DNAI4: variants seen among roughly 807,000 people sequenced by gnomAD.
The protein encoded by DNAI4 is WD repeat domain 78.
In DNAI4, 85 loss-of-function variants were observed where a neutral mutation model predicts 105.8. The observed-to-expected ratio is 0.80, with a 90% CI of 0.67 to 0.96. The LOEUF is 0.96. Ranked by LOEUF, DNAI4 falls within the 40% of genes least tolerant of loss-of-function variation. DNAI4 has a pLI of 0.00. For synonymous variants in DNAI4, 352 were observed against 331.5 expected, an observed-to-expected ratio of 1.06 and a Z score of -0.67; for missense variants, 1,014 against 1,005.6, an observed-to-expected ratio of 1.01 and a Z score of -0.11.
At chr1:66,838,731 C>G (rs1646083166) in intron 9 of DNAI4, among the ~76,000 whole-genome samples, 1 of 152,206 alleles carries the variant, frequency 6.6e-6, no homozygotes, top group Non-Finnish European at 1.5e-5. Context: ...GTCTTCACTA[C>G]TATATCCTTT....
intron 10 of DNAI4, 158 bp downstream of exon 10, chr1:66,837,552 C>A (rs1383803061): frequency 2.6e-5 from 23 of 901,798 alleles, no homozygotes; most frequent in Non-Finnish European, 3.1e-5. Context: ...CCTATGTCAA[C>A]AAGAACAAAT....
At chr1:66,847,435 A>G in intron 8 of DNAI4, 49 bp downstream of exon 8, 1 of 1,541,476 alleles carries the variant, frequency 6.5e-7, no homozygotes, top group Non-Finnish European at 8.8e-7. Context: ...TGGGATTATA[A>G]GCATAAGCAA....
At chr1:66,836,208 G>GAAAGAA (rs1409438113) in intron 10 of DNAI4, among the ~76,000 whole-genome samples, 2,841 of 46,348 alleles carry the variant, frequency 0.061, 110 homozygotes, top group African/African-American at 0.068. Flanking sequence ...AAGAAAGAAA[G>GAAAGAA]AGAGAGAGAG....
At chr1:66,820,526 T>C (rs1397137782) in intron 16 of DNAI4, among the ~76,000 whole-genome samples, 1 of 151,976 alleles carries the variant, frequency 6.6e-6, no homozygotes, top group Non-Finnish European at 1.5e-5. Flanking sequence ...ATTAACAAAA[T>C]ATATAAATAA....
chr1:66,827,501 TA>T (rs5774845), intron 14 of DNAI4, among the ~76,000 whole-genome samples: 7 of 151,480 alleles, frequency 4.6e-5, no homozygotes, highest in African/African-American at 7.3e-5. Context: ...AAAAAAACAT[TA>T]AAAAAAATAA....
intron 2 of DNAI4, among the ~76,000 whole-genome samples, chr1:66,901,875 A>G (rs970938905): frequency 1.6e-4 from 24 of 152,178 alleles, no homozygotes; most frequent in Non-Finnish European, 4.4e-5. Context: ...TAGCCTTGAA[A>G]TTCTGGGCTC....
At chr1:66,836,148 G>GAAA (rs1269608040) in intron 10 of DNAI4, among the ~76,000 whole-genome samples, 1 of 22,026 alleles carries the variant, frequency 4.5e-5, no homozygotes, top group Non-Finnish European at 1.1e-4. Flanking sequence ...AGAAAAGAAA[G>GAAA]AAAGAAAGAA....
chr1:66,908,507 A>G (rs1180624759), intron 1 of DNAI4, among the ~76,000 whole-genome samples: 1 of 152,250 alleles, frequency 6.6e-6, no homozygotes, highest in Non-Finnish European at 1.5e-5. Context: ...AAAGTTGTCT[A>G]TGCTGCTTCA....
chr1:66,847,440 A>G (rs746407399), intron 8 of DNAI4, 44 bp downstream of exon 8: 2 of 1,562,608 alleles, frequency 1.3e-6, no homozygotes, highest in Admixed American at 1.9e-5. Flanking sequence ...TTATAAGCAT[A>G]AGCAACTGCA....
At chr1:66,898,950 T>C (rs1325375744) in intron 2 of DNAI4, among the ~76,000 whole-genome samples, 2 of 152,236 alleles carry the variant, frequency 1.3e-5, no homozygotes, top group Admixed American at 1.3e-4. Flanking sequence ...CATTCCTTTT[T>C]ATGGTTGAAT....
rs868613979 is a variant in DNAI4 at position 66,907,648 on chromosome 1, T to G, written c.171-2273A>C. ...CTTCTACCATCCTCTGAAGATTTCA[T>G]ATCCTAAGTCACTGGCTCTATCTCT... On this transcript the variant is annotated intron_variant, in intron 1 of 16. Transcript: ENST00000371026. 4.6e-5 allele frequency among the ~76,000 whole-genome samples: 7 copies of G among 152,228 alleles called. No individual in the cohort carries two copies. In the South Asian group the frequency reaches 1.4e-3, roughly 32 times the overall value.
In DNAI4 at chr1:66,813,281, A is replaced by G. The variant is rs575972190; in HGVS notation, c.*849T>C. ...TCAGTTTAACCCAGGATTTGTTAAAACAAACTGCATAGAATGGCCTGTTAG... is the reference window on the plus strand; with the variant it reads ...TCAGTTTAACCCAGGATTTGTTAAAGCAAACTGCATAGAATGGCCTGTTAG... On this transcript the variant is annotated 3_prime_UTR_variant, in exon 17 of 17. Coordinates refer to ENST00000371026, the MANE Select transcript of DNAI4 (RefSeq NM_024763.5). 2 of 152,362 alleles carry G rather than the reference A, an allele frequency of 1.3e-5. No individual in the cohort carries two copies. The highest frequency in any genetic ancestry group is 2.9e-5 in the Non-Finnish European group (2 of 68,052). 9.4% of individuals were successfully genotyped at this position (152,362 alleles called of 1,614,324 possible).
chr1:66,835,888 G>T, intron 10 of DNAI4, 111 bp from the exon 11 acceptor site: 1 of 873,958 alleles, frequency 1.1e-6, no homozygotes, highest in Non-Finnish European at 1.8e-6. Context: ...AGCAGAGTTA[G>T]CCCACATTCA....
At chr1:66,829,271 G>A (rs187072992) in intron 13 of DNAI4, among the ~76,000 whole-genome samples, 1 of 152,244 alleles carries the variant, frequency 6.6e-6, no homozygotes, top group African/African-American at 2.4e-5. Context: ...TTAAAAGGCA[G>A]TGATTTTAAG....
chr1:66,902,322 G>A (rs892561274), intron 2 of DNAI4, among the ~76,000 whole-genome samples: 1 of 152,072 alleles, frequency 6.6e-6, no homozygotes, highest in East Asian at 1.9e-4. Context: ...TAGTGATGTT[G>A]AGTATCTTTT....
chr1:66,824,711 G>T lies in DNAI4; in HGVS notation c.2339+2109C>A, dbSNP rs556564936. ...TCACTCATGATTTGGCTCTCTGTTT[G>T]TCTGTTGTTGGTGTATAAGAATGCT... On this transcript the variant is annotated intron_variant, in intron 15 of 16. Coordinates refer to ENST00000371026, the MANE Select transcript of DNAI4 (RefSeq NM_024763.5). 1.2e-3 allele frequency among the ~76,000 whole-genome samples: 177 copies of T among 152,178 alleles called. 2 individuals are homozygous for T. Among genetic ancestry groups the T allele is most frequent in the Non-Finnish European group, 2.1e-3 (141 of 68,002 alleles).
intron 1 of DNAI4, among the ~76,000 whole-genome samples, chr1:66,911,107 G>A (rs961768888): frequency 2.2e-4 from 34 of 152,130 alleles, no homozygotes; most frequent in African/African-American, 8.0e-4. Flanking sequence ...ATAGGTTGTG[G>A]CCTGTTTCTG....
At chr1:66,881,864 C>T (rs1647078711) in intron 4 of DNAI4, among the ~76,000 whole-genome samples, 1 of 152,194 alleles carries the variant, frequency 6.6e-6, no homozygotes, top group Non-Finnish European at 1.5e-5. Context: ...TCCCACAATT[C>T]CATGTCATGA....
Position 66,873,036 on chromosome 1 carries a change from T to C in DNAI4, c.801-1527A>G, listed in dbSNP as rs917317137. Among the ~76,000 whole-genome samples the C allele has an allele frequency of 7.9e-5, 12 of 152,284 alleles. No homozygotes were observed. The East Asian group carries it at 2.3e-3, about 29-fold the overall frequency. ...CCTGACAGTTTCTTAATGTTAATCA[T>C]GTTTTAACTCTGTCTTTTATTTGTT... On this transcript the variant is annotated intron_variant, in intron 5 of 16. Coordinates refer to ENST00000371026, the MANE Select transcript of DNAI4 (RefSeq NM_024763.5).
Sources: gnomAD v4.1 joint callset for allele counts (sites outside exome capture counted in the v4.1 genomes callset) on GRCh38, gnomAD v4.1.1 for gene constraint, MANE v1.5 for transcripts, NCBI Gene and HGNC (gene_info 2026-07-23, HGNC 2026-07-21) for gene names.